The following SMYD3 variants were observed in gnomAD, a reference collection of about 807,000 sequenced individuals.
The protein encoded by SMYD3 is histone-lysine N-methyltransferase SMYD3.
SMYD3 carries 36 observed loss-of-function variants against 57.7 expected under a neutral mutation model. The observed-to-expected ratio is 0.62, with a 90% CI of 0.48 to 0.82. SMYD3 has a LOEUF of 0.82. Among genes scored for constraint, SMYD3 ranks in the 40% least tolerant of loss-of-function variants. SMYD3 has a pLI of 0.00. For synonymous variants in SMYD3, 211 were observed against 195.0 expected (o/e 1.08, Z -0.68); for missense variants, 515 against 538.8 (o/e 0.96, Z 0.44).
At chr1:246,426,170 T>C (rs1271578260) in intron 1 of SMYD3, 1 of 152,216 alleles carries the variant, frequency 6.6e-6, no homozygotes, top group African/African-American at 2.4e-5. Flanking sequence ...AGGCTTTTGA[T>C]TTTTCCATGT....
chr1:245,956,772 CT>C (rs1358739163), intron 5 of SMYD3, among the ~76,000 whole-genome samples: 2 of 152,324 alleles, frequency 1.3e-5, no homozygotes, highest in East Asian at 3.9e-4. Flanking sequence ...CCTTCCTTGC[CT>C]GCCAGCGAAG....
chr1:246,455,414 T>C (rs1430434775), intron 1 of SMYD3, among the ~76,000 whole-genome samples: 1 of 152,184 alleles, frequency 6.6e-6, no homozygotes, highest in Non-Finnish European at 1.5e-5. Context: ...AGTCCTACAT[T>C]GAGAAATTTT....
At chr1:245,984,061 G>A (rs577226636) in intron 5 of SMYD3, among the ~76,000 whole-genome samples, 25 of 148,702 alleles carry the variant, frequency 1.7e-4, no homozygotes, top group East Asian at 6.0e-4. Context: ...GTGCAATGGC[G>A]CGGTCTCGGC....
chr1:245,993,603 T>TAGACAGAC (rs1489216099), intron 5 of SMYD3, among the ~76,000 whole-genome samples: 12 of 45,222 alleles, frequency 2.7e-4, no homozygotes, highest in Middle Eastern at 0.014. Flanking sequence ...GATAGATAGA[T>TAGACAGAC]AGATAGATAG....
chr1:246,358,430 CAATGGACTTAAACTATACCCTAGAACA>C (rs2065938295), intron 1 of SMYD3, among the ~76,000 whole-genome samples: 1 of 152,060 alleles, frequency 6.6e-6, no homozygotes, highest in African/African-American at 2.4e-5. Context: ...AACAAAGAAA[CAATGGACTTAAACTATACCCTAGAACA>C]AATGGACTTA....
intron 8 of SMYD3, among the ~76,000 whole-genome samples, chr1:245,878,395 G>A (rs2052605076): frequency 6.6e-6 from 1 of 152,156 alleles, no homozygotes; most frequent in African/African-American, 2.4e-5. Context: ...GGAGGCAGAG[G>A]GTAGGGTCAA....
At chr1:245,832,693 T>C (rs769133755) in intron 10 of SMYD3, among the ~76,000 whole-genome samples, 11 of 152,200 alleles carry the variant, frequency 7.2e-5, no homozygotes, top group Non-Finnish European at 1.3e-4. Context: ...AGAAGTTATA[T>C]GGAATCTTAG....
intron 5 of SMYD3, among the ~76,000 whole-genome samples, chr1:246,253,058 G>T (rs539254702): frequency 2.0e-4 from 31 of 152,210 alleles, no homozygotes; most frequent in Middle Eastern, 3.4e-3. Context: ...CTTCTAAAAA[G>T]GATGAAAATA....
At chr1:246,231,904 T>C (rs1444560974) in intron 5 of SMYD3, among the ~76,000 whole-genome samples, 1 of 152,210 alleles carries the variant, frequency 6.6e-6, no homozygotes, top group African/African-American at 2.4e-5. Flanking sequence ...AAAATTCTTA[T>C]GCTCCAGTTG....
chr1:245,945,247 G>A (rs1572757890), intron 5 of SMYD3, among the ~76,000 whole-genome samples: 1 of 152,034 alleles, frequency 6.6e-6, no homozygotes, highest in Non-Finnish European at 1.5e-5. Context: ...ATGGTCTAAT[G>A]TCCAGAGTCT....
intron 1 of SMYD3, among the ~76,000 whole-genome samples, chr1:246,380,589 C>T (rs1449407628): frequency 6.6e-6 from 1 of 152,228 alleles, no homozygotes; most frequent in African/African-American, 2.4e-5. Flanking sequence ...CCCATAAATA[C>T]ACTAAGAGTC....
At chr1:246,487,208 G>A (rs1385353973) in intron 1 of SMYD3, among the ~76,000 whole-genome samples, 8 of 5,004 alleles carry the variant, frequency 1.6e-3, no homozygotes, top group Non-Finnish European at 3.7e-3. Context: ...AGCACTCTGG[G>A]AGGCCAAGCG....
intron 10 of SMYD3, among the ~76,000 whole-genome samples, chr1:245,774,937 G>C (rs550602785): frequency 6.6e-6 from 1 of 152,152 alleles, no homozygotes; most frequent in Non-Finnish European, 1.5e-5. Flanking sequence ...TCCTAACCGC[G>C]AGTGATCCGC....
intron 5 of SMYD3, among the ~76,000 whole-genome samples, chr1:246,277,458 ACAC>A (rs200139272): frequency 1.3e-5 from 2 of 152,156 alleles, no homozygotes; most frequent in Middle Eastern, 3.2e-3. Context: ...AAACAAGCAA[ACAC>A]CACCACCACC....
At chr1:246,255,158 G>A (rs1256562782) in intron 5 of SMYD3, among the ~76,000 whole-genome samples, 1 of 151,882 alleles carries the variant, frequency 6.6e-6, no homozygotes, top group East Asian at 1.9e-4. Flanking sequence ...GCACTTCCAG[G>A]ACTATGTTGA....
intron 5 of SMYD3, among the ~76,000 whole-genome samples, chr1:246,166,766 A>T (rs1558282931): frequency 6.6e-6 from 1 of 152,234 alleles, no homozygotes; most frequent in Non-Finnish European, 1.5e-5. Flanking sequence ...GCCGCGGGAT[A>T]ACTTAGTCAT....
Position 245,778,886 on chromosome 1 carries a change from G to A in SMYD3, c.1077-14737C>T, listed in dbSNP as rs190953691. 3.5e-3 allele frequency among the ~76,000 whole-genome samples: 536 copies of A among 152,226 alleles called. 4 individuals are homozygous for A. The highest frequency in any genetic ancestry group is 0.012 in the African/African-American group (504 of 41,540). ...TACATTTAAAAAATGGAGGCCTGGC[G>A]TGGTGGCTCACACCTGTAATCCCAG... On this transcript the variant is annotated intron_variant, in intron 10 of 11. Coordinates refer to ENST00000490107, the MANE Select transcript of SMYD3 (RefSeq NM_001167740.2).
chr1:246,486,245 C>T (rs1056194410), intron 1 of SMYD3, among the ~76,000 whole-genome samples: 8 of 152,116 alleles, frequency 5.3e-5, no homozygotes, highest in South Asian at 2.1e-4. Flanking sequence ...AATTAGTAAA[C>T]GGCATCATCA....
chr1:246,087,757 T>C (rs1469850634), intron 5 of SMYD3, among the ~76,000 whole-genome samples: 1 of 152,182 alleles, frequency 6.6e-6, no homozygotes, highest in Non-Finnish European at 1.5e-5. Context: ...AACACTGCTG[T>C]CATTACGGCT....
Sources: allele counts gnomAD v4.1 joint callset (sites outside exome capture counted in the v4.1 genomes callset), GRCh38; gene constraint gnomAD v4.1.1; transcripts MANE v1.5; gene names NCBI Gene and HGNC (gene_info 2026-07-23, HGNC 2026-07-21).